STRA6: variants seen among roughly 807,000 people sequenced by gnomAD.
The protein encoded by STRA6 is signaling receptor and transporter of retinol STRA6.
A neutral mutation model predicts 83.6 loss-of-function variants in STRA6; 48 were observed. That is an observed-to-expected ratio of 0.57 (90% confidence interval 0.46 to 0.73). The LOEUF (loss-of-function observed/expected upper bound fraction) is 0.73. Among genes scored for constraint, STRA6 ranks in the 30% least tolerant of loss-of-function variants. The pLI is 0.00. For synonymous variants in STRA6, 353 were observed against 362.3 expected (o/e 0.97, Z 0.29); for missense variants, 760 against 838.8 (o/e 0.91, Z 1.16).
chr15:74,184,126 G>A, intron 13 of STRA6, 137 bp from the exon 14 acceptor site: 3 of 1,270,880 alleles, frequency 2.4e-6, no homozygotes, highest in Non-Finnish European at 2.2e-6. Flanking sequence ...AGAACTGTGG[G>A]AGCCAGGAGG....
chr15:74,183,629 T>G, intron 14 of STRA6: 2 of 1,405,294 alleles, frequency 1.4e-6, no homozygotes, highest in Non-Finnish European at 1.9e-6. Context: ...TTCATCTCCA[T>G]GTGGAGGGTA....
At chr15:74,194,435 C>G in intron 7 of STRA6, 7 of 1,025,360 alleles carry the variant, frequency 6.8e-6, no homozygotes, top group Non-Finnish European at 8.2e-6. Flanking sequence ...GTGCCAGGTT[C>G]TAGGTGGTGA....
At chr15:74,182,700 GAT>G (rs2142000273) in intron 14 of STRA6, 1 of 534,552 alleles carries the variant, frequency 1.9e-6, no homozygotes, top group Non-Finnish European at 3.4e-6. Context: ...GATCCAATGA[GAT>G]AATGTCTGTG....
In STRA6 at chr15:74,196,076, G is replaced by A; in HGVS notation, c.338C>T (p.Ser113Phe). 6.2e-7 allele frequency: 1 copy of A among 1,614,040 alleles called. No homozygotes were observed. Among genetic ancestry groups the A allele is most frequent in the South Asian group, 1.1e-5 (1 of 91,076 alleles). ...PAAVFMVLLSSLCLLLPDEDA... is the reference protein window; with the variant it reads ...PAAVFMVLLSFLCLLLPDEDA... ...CTCGTCGGGGAGCAGCAAACACAGGGAGCTCAGGAGGACCATGAAAACAGC... is the reference window on the plus strand; with the variant it reads ...CTCGTCGGGGAGCAGCAAACACAGGAAGCTCAGGAGGACCATGAAAACAGC... The change falls in exon 5 of 19, where the codon TCC becomes TTC. Residue 113 changes from serine to phenylalanine, a missense_variant. Physicochemically the swap from Ser to Phe is radical, Grantham distance 155. Coordinates refer to ENST00000395105, the MANE Select transcript of STRA6 (RefSeq NM_022369.4).
Position 74,197,785 on chromosome 15 carries a change from G to A in STRA6, c.147C>T (p.Pro49=), listed in dbSNP as rs765454493. 3.7e-5 allele frequency: 60 copies of A among 1,613,672 alleles called. No individual in the cohort carries two copies. Among genetic ancestry groups the A allele is most frequent in the South Asian group, 1.2e-4 (11 of 91,080 alleles). ...EVPSCHTSIP[P]GLYHACLASL... ...AGGCCAGGCAGGCGTGGTACAGGCC[G>A]GGTGGTATGCTGGTGTGGCAGGAGG... is the stretch of plus-strand genomic sequence containing the variant. Residue 49 remains proline, a synonymous_variant, in exon 3 of 19, where the codon CCC becomes CCT. Coordinates refer to ENST00000395105, the MANE Select transcript of STRA6 (RefSeq NM_022369.4).
chr15:74,186,030 G>A (rs1178539567), intron 12 of STRA6, among the ~76,000 whole-genome samples: 1 of 152,184 alleles, frequency 6.6e-6, no homozygotes, highest in Non-Finnish European at 1.5e-5. Context: ...TAGCCACAGG[G>A]ATTAGAGTGG....
intron 12 of STRA6, among the ~76,000 whole-genome samples, chr15:74,186,256 T>C (rs1426119445): frequency 6.6e-6 from 1 of 152,208 alleles, no homozygotes; most frequent in African/African-American, 2.4e-5. Flanking sequence ...TTTATTTCCA[T>C]CAGAAATGAA....
chr15:74,205,866 C>G (rs1358614342), upstream of STRA6, among the ~76,000 whole-genome samples: 2 of 152,230 alleles, frequency 1.3e-5, no homozygotes, highest in Admixed American at 1.3e-4. Context: ...GTCCTTTTCC[C>G]CTGGTGGGGG....
chr15:74,189,334 G>A, intron 11 of STRA6, 57 bp from the exon 12 acceptor site: 2 of 1,549,844 alleles, frequency 1.3e-6, no homozygotes, highest in Non-Finnish European at 1.7e-6. Context: ...TGTGCTAACA[G>A]GGGAGACGCT....
chr15:74,184,819 A>G lies in STRA6; in HGVS notation c.1166+161T>C, dbSNP rs1031377883. ...AGGCCCAAGGGCAGGACCCAGCCCC[A>G]CCTTCTCCCACTGCAGCGCAGCCAC... On this transcript the variant is annotated intron_variant, in intron 13 of 18. Coordinates refer to ENST00000395105, the MANE Select transcript of STRA6 (RefSeq NM_022369.4). 4.6e-5 allele frequency among the ~76,000 whole-genome samples: 7 copies of G among 152,128 alleles called. No homozygotes were observed. In the East Asian group the frequency reaches 1.4e-3, roughly 29 times the overall value.
chr15:74,181,048 G>A (rs2072955933), intron 17 of STRA6, 111 bp from the exon 18 acceptor site: 2 of 1,489,884 alleles, frequency 1.3e-6, no homozygotes, highest in African/African-American at 2.8e-5. Flanking sequence ...CTGCATCCAA[G>A]CATGTCGACA....
chr15:74,195,924 T>C, intron 5 of STRA6, 84 bp downstream of exon 5: 1 of 1,583,686 alleles, frequency 6.3e-7, no homozygotes, highest in South Asian at 1.1e-5. Context: ...TACTCTCATC[T>C]CCTTGAGCCA....
At chr15:74,187,732 A>G (rs1340789891) in intron 12 of STRA6, among the ~76,000 whole-genome samples, 1 of 152,166 alleles carries the variant, frequency 6.6e-6, no homozygotes, top group Non-Finnish European at 1.5e-5. Context: ...TTTAAAGAGT[A>G]ACTGTTGCTC....
chr15:74,194,358 G>A (rs553075248), intron 7 of STRA6: 1 of 1,067,442 alleles, frequency 9.4e-7, no homozygotes, highest in Admixed American at 4.8e-5. Flanking sequence ...CCTTCCTGGG[G>A]GTGGGCTTTT....
At chr15:74,195,253 G>C (rs775117127) in intron 7 of STRA6, 49 bp downstream of exon 7, 3 of 1,601,286 alleles carry the variant, frequency 1.9e-6, no homozygotes, top group Middle Eastern at 2.2e-4. Context: ...GGTTTGAGTA[G>C]GTTGCTCTGT....
At chr15:74,207,288 G>C (rs2074281231), upstream of STRA6, among the ~76,000 whole-genome samples, 1 of 152,044 alleles carries the variant, frequency 6.6e-6, no homozygotes, top group Admixed American at 6.6e-5. Flanking sequence ...ATCCCCTCAA[G>C]GACTCCCAGA....
At chr15:74,199,483 C>T (rs1040292635) in intron 2 of STRA6, among the ~76,000 whole-genome samples, 1 of 152,198 alleles carries the variant, frequency 6.6e-6, no homozygotes, top group African/African-American at 2.4e-5. Context: ...CCCTCCCTCT[C>T]AGCCGGCATC....
chr15:74,180,028 G>A lies in STRA6; in HGVS notation c.*52C>T, dbSNP rs1465623403. The A allele has an allele frequency of 1.3e-6, 2 of 1,591,324 alleles. No homozygotes were observed. The highest frequency in any genetic ancestry group is 1.3e-5 in the African/African-American group (1 of 74,540). On this transcript the variant is annotated 3_prime_UTR_variant, in exon 19 of 19. Coordinates refer to ENST00000395105, the MANE Select transcript of STRA6 (RefSeq NM_022369.4). Reference sequence around the variant, plus strand: ...GAGCCGGGGAGGGAGGAGGATGGTAGGCAGGAACATGCCTCAGCACAGATG... The same window carrying A: ...GAGCCGGGGAGGGAGGAGGATGGTAAGCAGGAACATGCCTCAGCACAGATG...
At chr15:74,208,317 C>G (rs1391144871) in intron 1 of STRA6, among the ~76,000 whole-genome samples, 2 of 152,164 alleles carry the variant, frequency 1.3e-5, no homozygotes, top group Admixed American at 1.3e-4. Flanking sequence ...GGACTAGACA[C>G]AAGGCCATGA....
Sources: allele counts gnomAD v4.1 joint callset (sites outside exome capture counted in the v4.1 genomes callset), GRCh38; gene constraint gnomAD v4.1.1; transcripts MANE v1.5; gene names NCBI Gene and HGNC (gene_info 2026-07-23, HGNC 2026-07-21).